LIPJ: variants seen among roughly 807,000 people sequenced by gnomAD.
LIPJ encodes the protein lipase member J.
In LIPJ, 33 loss-of-function variants were observed where a neutral mutation model predicts 39.8. The observed-to-expected ratio is 0.83, with a 90% CI of 0.63 to 1.11. The LOEUF (loss-of-function observed/expected upper bound fraction) is 1.11. Among genes scored for constraint, LIPJ ranks in the 50% least tolerant of loss-of-function variants. LIPJ has a pLI of 0.00. For missense variants in LIPJ, 422 were observed against 427.9 expected, an observed-to-expected ratio of 0.99 and a Z score of 0.12; for synonymous variants, 128 against 139.2, an observed-to-expected ratio of 0.92 and a Z score of 0.57.
chr10:88,613,768 G>GTA, the LIPJ span, among the ~76,000 whole-genome samples: 2 of 37,794 alleles, frequency 5.3e-5, no homozygotes, highest in East Asian at 4.3e-4. Context: ...ATATGTGTGT[G>GTA]TGTATATATA....
intron 4 of LIPJ, chr10:88,592,938 T>C (rs1014219625): frequency 6.6e-6 from 1 of 151,990 alleles, no homozygotes; most frequent in Non-Finnish European, 1.5e-5. Context: ...TAGCTTTCTC[T>C]ACCTCTCAGC....
At position 88,587,703 on chromosome 10, in the gene LIPJ, A is replaced by G. The variant is rs968449264; in HGVS notation, c.-104+311A>G. On this transcript the variant is annotated intron_variant, in intron 2 of 10. Transcript: ENST00000371939. ...GCTGCCTTATGAAAGTTTGCCTCTTAGCAGAGCAAACACCAGTGATTTGCT... is the reference window on the plus strand; with the variant it reads ...GCTGCCTTATGAAAGTTTGCCTCTTGGCAGAGCAAACACCAGTGATTTGCT... 2.0e-5 allele frequency among the ~76,000 whole-genome samples: 3 copies of G among 152,068 alleles called. No homozygotes were observed. In the East Asian group the frequency reaches 5.8e-4, roughly 29 times the overall value.
Position 88,599,710 on chromosome 10 carries a change from C to CAT in LIPJ, c.723+2786_723+2787dup, listed in dbSNP as rs749594455. On this transcript the variant is annotated intron_variant, in intron 8 of 10. Transcript: ENST00000371939. Reference sequence around the variant, plus strand: ...ATATACACACACACACACACACACACATATATATATATACACATCTTCAAT... The same window carrying CAT: ...ATATACACACACACACACACACACACATATATATATATATACACATCTTCAAT... Among the ~76,000 whole-genome samples the CAT allele has an allele frequency of 1.0e-3, 155 of 149,528 alleles. 1 individual carries two copies. The highest frequency in any genetic ancestry group is 3.3e-3 in the African/African-American group (133 of 40,902).
At chr10:88,620,768 C>G in the LIPJ span, among the ~76,000 whole-genome samples, 23 of 152,134 alleles carry the variant, frequency 1.5e-4, no homozygotes, top group Admixed American at 9.8e-4. Context: ...CACACTTATC[C>G]TATATCTTAG....
chr10:88,607,591 C>T (rs933488894), downstream of LIPJ, among the ~76,000 whole-genome samples: 8 of 152,066 alleles, frequency 5.3e-5, no homozygotes, highest in Admixed American at 3.3e-4. Context: ...TATGCACTGT[C>T]GCTTGGTGCA....
the LIPJ span, among the ~76,000 whole-genome samples, chr10:88,613,770 G>GTATATATATATATATATATATATATATA: frequency 7.9e-5 from 6 of 75,502 alleles, no homozygotes; most frequent in Admixed American, 1.5e-4. Context: ...ATGTGTGTGT[G>GTATATATATATATATATATATATATATA]TATATATATA....
At chr10:88,591,532 C>T (rs373364698) in intron 4 of LIPJ, 34 bp downstream of exon 4, 72 of 1,568,002 alleles carry the variant, frequency 4.6e-5, no homozygotes, top group Non-Finnish European at 6.2e-5. Context: ...TGGTGACAAT[C>T]TGGGGCCTGA....
chr10:88,582,952 C>A, upstream of LIPJ: 1 of 1,183,934 alleles, frequency 8.4e-7, no homozygotes, highest in South Asian at 1.7e-5. Flanking sequence ...GCTACACGGC[C>A]GCTCAGGGAG....
intron 4 of LIPJ, 133 bp downstream of exon 4, chr10:88,591,631 C>A: frequency 2.9e-6 from 2 of 694,444 alleles, no homozygotes; most frequent in Non-Finnish European, 4.5e-6. Flanking sequence ...TGTATCTTCT[C>A]GCATGCTACA....
chr10:88,615,090 C>T, the LIPJ span, among the ~76,000 whole-genome samples: 2 of 152,044 alleles, frequency 1.3e-5, no homozygotes, highest in South Asian at 4.1e-4. Context: ...ATAATATTTT[C>T]AAGAACTTAG....
At chr10:88,594,040 G>A (rs764547948) in exon 5 of LIPJ, 1 of 1,612,240 alleles carries the variant, frequency 6.2e-7, no homozygotes, top group South Asian at 1.1e-5. Context: ...GCTTCATTCT[G>A]GCAGATGCTG....
At chr10:88,595,765 G>A (rs1851233017) in intron 6 of LIPJ, among the ~76,000 whole-genome samples, 1 of 151,488 alleles carries the variant, frequency 6.6e-6, no homozygotes, top group South Asian at 2.1e-4. Context: ...AGCTTGATAA[G>A]ATGGCAAAGG....
chr10:88,613,786 A>G, the LIPJ span, among the ~76,000 whole-genome samples: 4 of 49,956 alleles, frequency 8.0e-5, no homozygotes, highest in African/African-American at 2.1e-4. Context: ...ATATATATAT[A>G]TATATATATA....
chr10:88,588,398 T>C (rs1257930648), intron 2 of LIPJ, among the ~76,000 whole-genome samples: 1 of 151,876 alleles, frequency 6.6e-6, no homozygotes, highest in Non-Finnish European at 1.5e-5. Flanking sequence ...TGTAGTTTTG[T>C]AGCCAATTTA....
At chr10:88,583,069 C>A, upstream of LIPJ, 1 of 1,609,902 alleles carries the variant, frequency 6.2e-7, no homozygotes, top group Non-Finnish European at 8.5e-7. Flanking sequence ...TTTAGACAAC[C>A]CACCTGAGTC....
intron 2 of LIPJ, among the ~76,000 whole-genome samples, chr10:88,589,320 A>T (rs926054084): frequency 1.1e-4 from 16 of 151,854 alleles, no homozygotes; most frequent in Non-Finnish European, 2.4e-4. Flanking sequence ...CCTGCTGAGC[A>T]CTTTTCCAAG....
intron 1 of LIPJ, 164 bp downstream of exon 1, chr10:88,587,009 T>C (rs1462988513): frequency 6.6e-6 from 1 of 152,156 alleles, no homozygotes; most frequent in Non-Finnish European, 1.5e-5. Flanking sequence ...CTTGTTGCTG[T>C]TATTACAATA....
At chr10:88,591,705 G>C (rs1448908409) in intron 4 of LIPJ, 4 of 335,266 alleles carry the variant, frequency 1.2e-5, no homozygotes, top group Non-Finnish European at 2.2e-5. Context: ...TGGAACACAA[G>C]CTGTTCTTCC....
chr10:88,620,621 G>GA, the LIPJ span, among the ~76,000 whole-genome samples: 18 of 151,868 alleles, frequency 1.2e-4, no homozygotes, highest in Non-Finnish European at 2.4e-4. Flanking sequence ...TAGAATGGCT[G>GA]AAAAAAAATA....
Sources: gnomAD v4.1 joint callset for allele counts (sites outside exome capture counted in the v4.1 genomes callset) on GRCh38, gnomAD v4.1.1 for gene constraint, MANE v1.5 for transcripts, NCBI Gene and HGNC (gene_info 2026-07-23, HGNC 2026-07-21) for gene names.